The following GRID2 variants were observed in gnomAD, a reference collection of about 807,000 sequenced individuals.
GRID2 encodes the protein glutamate receptor ionotropic, delta-2.
Under a neutral mutation model 114.8 loss-of-function variants are expected in GRID2, and 33 were observed. The observed-to-expected ratio is 0.29, with a 90% CI of 0.22 to 0.38. The LOEUF (loss-of-function observed/expected upper bound fraction) is 0.38, where lower values mean the gene tolerates loss of function less well. GRID2 is among the 10% of genes least tolerant of loss of function. GRID2 has a pLI of 1.00. For synonymous variants in GRID2, 505 were observed against 449.9 expected, an observed-to-expected ratio of 1.12 and a Z score of -1.55; for missense variants, 1,184 against 1,257.7, an observed-to-expected ratio of 0.94 and a Z score of 0.89.
intron 2 of GRID2, among the ~76,000 whole-genome samples, chr4:92,788,325 A>G (rs1739415577): frequency 6.6e-6 from 1 of 151,918 alleles, no homozygotes; most frequent in Non-Finnish European, 1.5e-5. Context: ...CCTTAGCAAG[A>G]GCAGGTGTTA....
chr4:93,301,920 T>G lies in GRID2; in HGVS notation c.1245+63430T>G, dbSNP rs76247282. Among the ~76,000 whole-genome samples the G allele has an allele frequency of 8.9e-4, 135 of 152,268 alleles. 3 individuals carry two copies. The highest frequency in any genetic ancestry group is 7.7e-4 in the East Asian group (4 of 5,190). ...AACTCAGGAAATTCGACAAATTTCT[T>G]GAGAGCCACCTACATAAGGCATTTT... On this transcript the variant is annotated intron_variant, in intron 8 of 15. Transcript: ENST00000282020.
chr4:93,531,326 TG>T (rs1171972065), intron 13 of GRID2, among the ~76,000 whole-genome samples: 2 of 152,212 alleles, frequency 1.3e-5, no homozygotes, highest in Non-Finnish European at 2.9e-5. Flanking sequence ...CACATGGTAC[TG>T]GCAAACCTAG....
intron 14 of GRID2, among the ~76,000 whole-genome samples, chr4:93,656,178 G>T (rs1722974056): frequency 6.6e-6 from 1 of 151,278 alleles, no homozygotes; most frequent in Non-Finnish European, 1.5e-5. Flanking sequence ...TTTTTTCTGA[G>T]AAAAAAATAA....
intron 13 of GRID2, among the ~76,000 whole-genome samples, chr4:93,582,744 C>T (rs1196942540): frequency 2.6e-5 from 4 of 151,692 alleles, no homozygotes; most frequent in Non-Finnish European, 5.9e-5. Flanking sequence ...AAAAAAGAAA[C>T]GGAATTGTGA....
chr4:92,836,117 T>G (rs928561732), intron 2 of GRID2, among the ~76,000 whole-genome samples: 1 of 152,160 alleles, frequency 6.6e-6, no homozygotes, highest in African/African-American at 2.4e-5. Flanking sequence ...CCATTTATTT[T>G]TGTATCATCT....
intron 13 of GRID2, among the ~76,000 whole-genome samples, chr4:93,533,335 T>C (rs988520891): frequency 1.4e-4 from 20 of 140,776 alleles, no homozygotes; most frequent in Non-Finnish European, 2.6e-4. Flanking sequence ...TCTTCCTTTC[T>C]TTCTTGCCCT....
intron 14 of GRID2, among the ~76,000 whole-genome samples, chr4:93,748,775 A>G (rs1240389138): frequency 6.6e-6 from 1 of 152,196 alleles, no homozygotes; most frequent in African/African-American, 2.4e-5. Context: ...TGACAGGGAC[A>G]ATAAGGGGAC....
intron 7 of GRID2, among the ~76,000 whole-genome samples, chr4:93,236,422 A>G (rs776442116): frequency 6.6e-6 from 1 of 152,046 alleles, no homozygotes; most frequent in Non-Finnish European, 1.5e-5. Context: ...TTCTCACCAC[A>G]GGGAGGATTT....
At chr4:92,634,241 A>C (rs62309164) in intron 2 of GRID2, among the ~76,000 whole-genome samples, 3 of 152,152 alleles carry the variant, frequency 2.0e-5, no homozygotes, top group Non-Finnish European at 4.4e-5. Context: ...ATAAAAGGAC[A>C]TAGGAGTCTT....
chr4:92,858,990 A>G (rs1290866486), intron 2 of GRID2, among the ~76,000 whole-genome samples: 1 of 152,224 alleles, frequency 6.6e-6, no homozygotes, highest in Non-Finnish European at 1.5e-5. Context: ...CTGATTTGAT[A>G]AAGCAGTGAA....
At chr4:92,561,446 A>T (rs946798027) in intron 1 of GRID2, among the ~76,000 whole-genome samples, 1 of 152,228 alleles carries the variant, frequency 6.6e-6, no homozygotes, top group Non-Finnish European at 1.5e-5. Context: ...GCATAAAGAA[A>T]TGTTTCATAC....
At chr4:93,586,292 T>G (rs143373354) in intron 13 of GRID2, among the ~76,000 whole-genome samples, 672 of 152,150 alleles carry the variant, frequency 4.4e-3, no homozygotes, top group South Asian at 0.01. Context: ...GGCCACCAAA[T>G]CTGGAGATAC....
chr4:93,467,303 T>C (rs1254065209), intron 11 of GRID2, among the ~76,000 whole-genome samples: 1 of 152,180 alleles, frequency 6.6e-6, no homozygotes, highest in East Asian at 1.9e-4. Flanking sequence ...TCTTTAGATG[T>C]TTTTTCCAAA....
chr4:93,345,557 C>T (rs779179369), intron 8 of GRID2, among the ~76,000 whole-genome samples: 62 of 151,836 alleles, frequency 4.1e-4, no homozygotes, highest in African/African-American at 1.2e-3. Context: ...ATAGTTTGTA[C>T]GGTTTGCAAG....
chr4:93,624,475 A>G (rs748643299), intron 13 of GRID2, among the ~76,000 whole-genome samples: 1 of 152,168 alleles, frequency 6.6e-6, no homozygotes, highest in Non-Finnish European at 1.5e-5. Context: ...AGTATTCTGT[A>G]TCTCATTACG....
At chr4:92,739,417 A>G (rs924025752) in intron 2 of GRID2, among the ~76,000 whole-genome samples, 4 of 152,138 alleles carry the variant, frequency 2.6e-5, no homozygotes, top group Non-Finnish European at 5.9e-5. Flanking sequence ...CTTTAAACAT[A>G]TGAGTAACAT....
At chr4:93,647,843 A>C (rs1235991539) in intron 14 of GRID2, among the ~76,000 whole-genome samples, 1 of 152,138 alleles carries the variant, frequency 6.6e-6, no homozygotes, top group African/African-American at 2.4e-5. Context: ...AAGAATTAAC[A>C]CCCACAATAA....
intron 10 of GRID2, among the ~76,000 whole-genome samples, chr4:93,438,107 A>G (rs1231462297): frequency 6.6e-6 from 1 of 152,088 alleles, no homozygotes. Context: ...TTATCTGCAC[A>G]TGTTTTTGAA....
At chr4:93,570,016 G>T (rs957072730) in intron 13 of GRID2, among the ~76,000 whole-genome samples, 2 of 152,118 alleles carry the variant, frequency 1.3e-5, no homozygotes, top group Non-Finnish European at 2.9e-5. Context: ...ATTAGAATAT[G>T]TTAATAAATT....
Sources: allele counts gnomAD v4.1 joint callset (sites outside exome capture counted in the v4.1 genomes callset), GRCh38; gene constraint gnomAD v4.1.1; transcripts MANE v1.5; gene names NCBI Gene and HGNC (gene_info 2026-07-23, HGNC 2026-07-21).